The following SPSB1 variants were observed in gnomAD, a reference collection of about 807,000 sequenced individuals.
SPSB1 encodes SPRY domain-containing SOCS box protein 1.
SPSB1 carries 8 observed loss-of-function variants against 21.2 expected under a neutral mutation model. The ratio of observed to expected loss-of-function variants is 0.38; its 90% CI spans 0.22 to 0.68. SPSB1 has a LOEUF of 0.68. Among genes scored for constraint, SPSB1 ranks in the 30% least tolerant of loss-of-function variants. The probability of loss-of-function intolerance (pLI) is 0.53; values close to 1 mark genes in which losing one functional copy is unlikely to be tolerated. For missense variants in SPSB1, 242 were observed against 377.8 expected (o/e 0.64, Z 2.98); for synonymous variants, 169 against 161.7 (o/e 1.05, Z -0.34).
intron 1 of SPSB1, among the ~76,000 whole-genome samples, chr1:9,326,338 G>T (rs1044719620): frequency 8.5e-5 from 13 of 152,290 alleles, no homozygotes; most frequent in African/African-American, 3.1e-4. Flanking sequence ...GACACCCAGG[G>T]GCCACTCAGA....
chr1:9,344,696 T>A (rs1640142694), intron 1 of SPSB1, among the ~76,000 whole-genome samples: 1 of 152,046 alleles, frequency 6.6e-6, no homozygotes, highest in South Asian at 2.1e-4. Flanking sequence ...CCCAGGTGGT[T>A]TGAGGGCAGC....
At chr1:9,352,050 C>T (rs888459915) in intron 1 of SPSB1, among the ~76,000 whole-genome samples, 1 of 152,162 alleles carries the variant, frequency 6.6e-6, no homozygotes, top group African/African-American at 2.4e-5. Context: ...TCCCTCACAG[C>T]CATGTGGTCC....
intron 1 of SPSB1, among the ~76,000 whole-genome samples, chr1:9,337,724 T>C (rs1043872538): frequency 2.0e-5 from 3 of 152,172 alleles, no homozygotes; most frequent in Non-Finnish European, 2.9e-5. Context: ...CCAATATCCG[T>C]GGAGGCTGCA....
chr1:9,342,826 G>A (rs1357686770), intron 1 of SPSB1, among the ~76,000 whole-genome samples: 1 of 152,246 alleles, frequency 6.6e-6, no homozygotes, highest in South Asian at 2.1e-4. Flanking sequence ...AGAAAGGGGA[G>A]GGGGCAGAGG....
intron 2 of SPSB1, among the ~76,000 whole-genome samples, chr1:9,358,428 C>T (rs1220762096): frequency 2.0e-5 from 3 of 152,140 alleles, no homozygotes; most frequent in Non-Finnish European, 2.9e-5. Context: ...GAAGTCACCT[C>T]GGAAATGGAA....
At chr1:9,300,029 A>G (rs1639301663) in intron 1 of SPSB1, among the ~76,000 whole-genome samples, 1 of 151,056 alleles carries the variant, frequency 6.6e-6, no homozygotes, top group Non-Finnish European at 1.5e-5. Context: ...GCTTCATTGG[A>G]CCTAGTGAGC....
At chr1:9,344,414 G>A (rs1463760787) in intron 1 of SPSB1, among the ~76,000 whole-genome samples, 2 of 152,200 alleles carry the variant, frequency 1.3e-5, no homozygotes, top group Non-Finnish European at 2.9e-5. Context: ...GACAGAGGGA[G>A]GCCTGTGGGT....
In SPSB1 at chr1:9,348,966, T is replaced by TAC. The variant is rs1284542699; in HGVS notation, c.-149-6776_-149-6775insCA. 2.8e-5 allele frequency among the ~76,000 whole-genome samples: 4 copies of TAC among 141,774 alleles called. No homozygotes were observed. Among genetic ancestry groups the TAC allele is most frequent in the Non-Finnish European group, 6.2e-5 (4 of 64,642 alleles). The allele number at this position is 141,774 out of a possible 152,430, so 93.0% of individuals were successfully genotyped here. A position where few individuals can be genotyped will look rare whatever the true frequency, so the allele number is the denominator to read the frequency against. On this transcript the variant is annotated intron_variant, in intron 1 of 2. Transcript: ENST00000328089. This position sits in a 1 kb window ranked among gnomAD's most constrained non-coding sequence, Gnocchi z 4.8. ...GTGTGTGTGTGTGTGTGTGTGTGTA[T>TAC]ATGTGCGTGTGTGCACGTGCATGTG... is the stretch of plus-strand genomic sequence containing the variant.
intron 1 of SPSB1, among the ~76,000 whole-genome samples, chr1:9,333,623 G>A (rs1639958554): frequency 6.6e-6 from 1 of 152,302 alleles, no homozygotes; most frequent in African/African-American, 2.4e-5. Context: ...GAGCCACCAT[G>A]CCCGCCCTCC....
At chr1:9,342,480 A>G (rs1182504571) in intron 1 of SPSB1, among the ~76,000 whole-genome samples, 1 of 152,194 alleles carries the variant, frequency 6.6e-6, no homozygotes, top group Non-Finnish European at 1.5e-5. Context: ...TGATAGCAGA[A>G]GGTAGGGCCT....
intron 1 of SPSB1, among the ~76,000 whole-genome samples, chr1:9,303,139 C>G (rs1570170587): frequency 6.6e-6 from 1 of 152,264 alleles, no homozygotes; most frequent in East Asian, 1.9e-4. Flanking sequence ...TTGATCTGGA[C>G]TGCTCCACAA....
chr1:9,344,080 A>G (rs923721273), intron 1 of SPSB1, among the ~76,000 whole-genome samples: 4 of 152,050 alleles, frequency 2.6e-5, no homozygotes, highest in South Asian at 2.1e-4. Context: ...GAGCCACCGC[A>G]CCTGGCCAAG....
intron 1 of SPSB1, among the ~76,000 whole-genome samples, chr1:9,296,639 C>T (rs558237332): frequency 3.9e-5 from 6 of 152,340 alleles, no homozygotes; most frequent in African/African-American, 7.2e-5. Context: ...TACACACACA[C>T]GCTGGATTAT....
chr1:9,316,424 GTCCCCACACGGGC>G (rs1216332698), intron 1 of SPSB1, among the ~76,000 whole-genome samples: 1 of 152,202 alleles, frequency 6.6e-6, no homozygotes, highest in East Asian at 1.9e-4. Flanking sequence ...TTGTGTGTGT[GTCCCCACACGGGC>G]TCAACCAGGT....
chr1:9,347,100 T>A (rs1640177184), intron 1 of SPSB1, among the ~76,000 whole-genome samples: 1 of 152,218 alleles, frequency 6.6e-6, no homozygotes, highest in Non-Finnish European at 1.5e-5. Flanking sequence ...GGAGAATTGC[T>A]TGAGCCTCGT....
chr1:9,334,589 C>T (rs1639974543), intron 1 of SPSB1, among the ~76,000 whole-genome samples: 1 of 152,178 alleles, frequency 6.6e-6, no homozygotes, highest in Non-Finnish European at 1.5e-5. Context: ...GTTGTACAAC[C>T]ATCACCGTTG....
At chr1:9,333,183 C>T (rs551383446) in intron 1 of SPSB1, among the ~76,000 whole-genome samples, 1 of 152,332 alleles carries the variant, frequency 6.6e-6, no homozygotes, top group African/African-American at 2.4e-5. Context: ...TGTCTGCTCC[C>T]AGAGGGACCA....
chr1:9,311,765 G>A (rs1342314099), intron 1 of SPSB1, among the ~76,000 whole-genome samples: 1 of 152,138 alleles, frequency 6.6e-6, no homozygotes, highest in Non-Finnish European at 1.5e-5. Context: ...TATCTACCAC[G>A]TTTTGTGTGT....
At position 9,367,610 on chromosome 1, in the gene SPSB1, TG is replaced by T. The variant is rs1640599892; in HGVS notation, c.*37del. The T allele has an allele frequency of 6.4e-6, 10 of 1,559,550 alleles. No homozygotes were observed. Among genetic ancestry groups the T allele is most frequent in the Non-Finnish European group, 8.7e-6 (10 of 1,150,614 alleles). On this transcript the variant is annotated 3_prime_UTR_variant, in exon 3 of 3. Coordinates refer to ENST00000328089, the MANE Select transcript of SPSB1 (RefSeq NM_025106.4). This position sits in a 1 kb window ranked among gnomAD's most constrained non-coding sequence, Gnocchi z 5.9. The stretch of plus-strand genomic sequence containing the variant: ...TCATACCGCCAGCGCGACAGCCACC[TG>T]GTGCCAACTCACTGAGCCGCCTGCC...
Sources: gnomAD v4.1 joint callset for allele counts (sites outside exome capture counted in the v4.1 genomes callset) on GRCh38, gnomAD v4.1.1 for gene constraint, Gnocchi (gnomAD v3.1) non-coding constraint, MANE v1.5 for transcripts, NCBI Gene and HGNC (gene_info 2026-07-23, HGNC 2026-07-21) for gene names.